Variants in ZNF385D observed in about 807,000 individuals in gnomAD.
The protein encoded by ZNF385D is zinc finger protein 385D, also known as zinc finger protein 659.
Under a neutral mutation model 35.8 loss-of-function variants are expected in ZNF385D, and 15 were observed. The ratio of observed to expected loss-of-function variants is 0.42; its 90% CI spans 0.28 to 0.64. ZNF385D has a LOEUF of 0.64. ZNF385D is among the 30% of genes least tolerant of loss of function. The probability of loss-of-function intolerance (pLI) is 0.23; values close to 1 mark genes in which losing one functional copy is unlikely to be tolerated. For synonymous variants in ZNF385D, 212 were observed against 186.8 expected, an observed-to-expected ratio of 1.13 and a Z score of -1.10; for missense variants, 474 against 494.6, an observed-to-expected ratio of 0.96 and a Z score of 0.39.
chr3:22,259,156 A>G (rs900901134), intron 2 of ZNF385D, among the ~76,000 whole-genome samples: 2 of 151,840 alleles, frequency 1.3e-5, no homozygotes, highest in African/African-American at 2.4e-5. Context: ...TCTCATTTGG[A>G]AAGTACTGGT....
chr3:22,351,043 G>A (rs2125496704), intron 2 of ZNF385D, among the ~76,000 whole-genome samples: 1 of 152,132 alleles, frequency 6.6e-6, no homozygotes, highest in South Asian at 2.1e-4. Context: ...TATCCACAAT[G>A]CTACACTGAT....
intron 1 of ZNF385D, among the ~76,000 whole-genome samples, chr3:21,708,522 T>C (rs2067987741): frequency 6.6e-6 from 1 of 152,232 alleles, no homozygotes; most frequent in African/African-American, 2.4e-5. Context: ...TGGCTTCTCC[T>C]GACCCATGGA....
chr3:22,137,094 A>T (rs1683624141), intron 3 of ZNF385D, among the ~76,000 whole-genome samples: 1 of 152,222 alleles, frequency 6.6e-6, no homozygotes. Flanking sequence ...TTAATAATGT[A>T]CTATTACCTA....
chr3:21,710,544 GC>G (rs2068063513), intron 1 of ZNF385D, among the ~76,000 whole-genome samples: 1 of 152,120 alleles, frequency 6.6e-6, no homozygotes, highest in Non-Finnish European at 1.5e-5. Context: ...GGTGAGCAGT[GC>G]CCAATCTGTA....
At chr3:22,115,188 G>C (rs1702744775) in intron 3 of ZNF385D, among the ~76,000 whole-genome samples, 2 of 152,036 alleles carry the variant, frequency 1.3e-5, no homozygotes, top group Admixed American at 1.3e-4. Context: ...GAAGTCATTG[G>C]TAGAAACTGA....
At chr3:21,818,276 A>G (rs942185752) in intron 3 of ZNF385D, among the ~76,000 whole-genome samples, 2 of 152,228 alleles carry the variant, frequency 1.3e-5, no homozygotes, top group African/African-American at 4.8e-5. Flanking sequence ...ACATGTATAC[A>G]TATGTAACAA....
intron 2 of ZNF385D, among the ~76,000 whole-genome samples, chr3:21,622,147 T>C (rs2125816630): frequency 6.6e-6 from 1 of 152,162 alleles, no homozygotes; most frequent in East Asian, 1.9e-4. Flanking sequence ...CCATAAAATC[T>C]CCCTTAGCTT....
At chr3:21,864,231 T>C (rs1358971925) in intron 3 of ZNF385D, among the ~76,000 whole-genome samples, 1 of 152,138 alleles carries the variant, frequency 6.6e-6, no homozygotes, top group Non-Finnish European at 1.5e-5. Context: ...AGAAAAGGCA[T>C]GTGACATTTG....
chr3:21,799,527 C>T (rs767131136), intron 3 of ZNF385D, among the ~76,000 whole-genome samples: 14 of 152,042 alleles, frequency 9.2e-5, no homozygotes, highest in Admixed American at 2.6e-4. Context: ...TATATTTTCA[C>T]GTGATTTTTG....
chr3:22,106,825 G>A (rs1702238814), intron 3 of ZNF385D, among the ~76,000 whole-genome samples: 1 of 152,096 alleles, frequency 6.6e-6, no homozygotes, highest in South Asian at 2.1e-4. Flanking sequence ...ATCAGCATAG[G>A]TTAGACTATC....
chr3:21,692,207 G>T (rs572729230), intron 1 of ZNF385D, among the ~76,000 whole-genome samples: 3 of 152,296 alleles, frequency 2.0e-5, no homozygotes, highest in African/African-American at 7.2e-5. Flanking sequence ...TTTGGATGAA[G>T]ACCCTGAGGT....
At chr3:22,276,966 T>C (rs1480406834) in intron 2 of ZNF385D, among the ~76,000 whole-genome samples, 2 of 152,136 alleles carry the variant, frequency 1.3e-5, no homozygotes, top group African/African-American at 2.4e-5. Flanking sequence ...TAAGACTTTA[T>C]TTTACATGGT....
At chr3:22,175,725 A>T (rs1576447666) in intron 2 of ZNF385D, among the ~76,000 whole-genome samples, 1 of 151,700 alleles carries the variant, frequency 6.6e-6, no homozygotes, top group East Asian at 1.9e-4. Flanking sequence ...CTGTATATGC[A>T]TATACATACT....
At chr3:21,838,307 G>A (rs908712042) in intron 3 of ZNF385D, among the ~76,000 whole-genome samples, 1 of 152,044 alleles carries the variant, frequency 6.6e-6, no homozygotes, top group Non-Finnish European at 1.5e-5. Context: ...TTTCAAGACA[G>A]GTACTTGGAG....
chr3:21,742,559 G>C lies in ZNF385D; in HGVS notation c.22+8336C>G, dbSNP rs148956528. ...GGCCACCTCAGTCGGCCTCGGCTCA[G>C]TTCTACCAATGAGCGGCAGAAGGCA... On this transcript the variant is annotated intron_variant, in intron 1 of 7. Transcript: ENST00000281523. Among the ~76,000 whole-genome samples, 60 of 152,298 alleles carry C rather than the reference G, an allele frequency of 3.9e-4. 1 individual carries two copies. Among genetic ancestry groups the C allele is most frequent in the African/African-American group, 1.4e-3 (58 of 41,570 alleles).
At chr3:22,156,046 T>C (rs1260514133) in intron 3 of ZNF385D, among the ~76,000 whole-genome samples, 3 of 151,882 alleles carry the variant, frequency 2.0e-5, no homozygotes. Flanking sequence ...CATCCTAGAG[T>C]AGGGATCCTA....
chr3:21,856,672 C>A (rs367961055), intron 3 of ZNF385D, among the ~76,000 whole-genome samples: 5 of 152,062 alleles, frequency 3.3e-5, no homozygotes, highest in African/African-American at 1.2e-4. Context: ...GATACCCAGT[C>A]CAAGCCACCA....
At chr3:21,824,890 A>G (rs1444616121) in intron 3 of ZNF385D, among the ~76,000 whole-genome samples, 1 of 152,152 alleles carries the variant, frequency 6.6e-6, no homozygotes, top group Non-Finnish European at 1.5e-5. Flanking sequence ...CTCCTTTTGC[A>G]CTCTAATGCT....
chr3:22,080,860 A>G (rs1700712973), intron 3 of ZNF385D, among the ~76,000 whole-genome samples: 1 of 152,120 alleles, frequency 6.6e-6, no homozygotes, highest in African/African-American at 2.4e-5. Context: ...GGACACAGTA[A>G]GAAGGCACCA....
Sources: allele counts gnomAD v4.1 joint callset (sites outside exome capture counted in the v4.1 genomes callset), GRCh38; gene constraint gnomAD v4.1.1; transcripts MANE v1.5; gene names NCBI Gene and HGNC (gene_info 2026-07-23, HGNC 2026-07-21).